KLHL14: variants seen among roughly 807,000 people sequenced by gnomAD.
KLHL14 encodes the protein kelch-like protein 14.
Under a neutral mutation model 64.3 loss-of-function variants are expected in KLHL14, and 22 were observed. That is an observed-to-expected ratio of 0.34 (90% CI 0.24 to 0.49). The LOEUF (loss-of-function observed/expected upper bound fraction) is 0.49, where lower values mean the gene tolerates loss of function less well. Ranked by LOEUF, KLHL14 falls within the 20% of genes least tolerant of loss-of-function variation. KLHL14 has a pLI of 0.99. For missense variants in KLHL14, 661 were observed against 789.0 expected (o/e 0.84, Z 1.94); for synonymous variants, 322 against 333.4 (o/e 0.97, Z 0.37).
At chr18:32,689,457 C>T (rs997214140) in intron 4 of KLHL14, among the ~76,000 whole-genome samples, 6 of 152,118 alleles carry the variant, frequency 3.9e-5, no homozygotes, top group African/African-American at 1.4e-4. Context: ...GATTTGGCAG[C>T]ATGAAGGTTG....
chr18:32,675,223 C>T (rs559437797), intron 8 of KLHL14, among the ~76,000 whole-genome samples: 2 of 152,046 alleles, frequency 1.3e-5, no homozygotes, highest in Non-Finnish European at 2.9e-5. Context: ...ACAAATTGGG[C>T]ATGATAGTGC....
At chr18:32,731,247 G>T (rs1420935576) in intron 3 of KLHL14, among the ~76,000 whole-genome samples, 1 of 152,166 alleles carries the variant, frequency 6.6e-6, no homozygotes, top group Middle Eastern at 3.2e-3. Flanking sequence ...TTTGTACTTT[G>T]CCTTCATTAC....
chr18:32,760,491 G>A (rs769154724), intron 2 of KLHL14, among the ~76,000 whole-genome samples: 1 of 151,942 alleles, frequency 6.6e-6, no homozygotes, highest in East Asian at 1.9e-4. Context: ...CACTGGCCTC[G>A]CCTGTCTTCA....
chr18:32,727,171 A>C (rs1484087999), intron 3 of KLHL14, among the ~76,000 whole-genome samples: 2 of 152,248 alleles, frequency 1.3e-5, no homozygotes, highest in East Asian at 3.8e-4. Context: ...GCTGCTTCTT[A>C]AAAAGGTATG....
intron 3 of KLHL14, among the ~76,000 whole-genome samples, chr18:32,724,460 A>G (rs1337111124): frequency 6.6e-6 from 1 of 152,198 alleles, no homozygotes; most frequent in Non-Finnish European, 1.5e-5. Context: ...TTAAAATCAT[A>G]GCAACCAGAT....
intron 3 of KLHL14, among the ~76,000 whole-genome samples, chr18:32,699,821 A>G (rs1473291694): frequency 6.6e-6 from 1 of 152,116 alleles, no homozygotes; most frequent in Non-Finnish European, 1.5e-5. Flanking sequence ...ATAAATCTGG[A>G]TATTTGAATA....
Position 32,772,979 on chromosome 18 carries a change from CATCATT to C in KLHL14, c.-362_-357del. 1 of 181,508 alleles carries C rather than the reference CATCATT, an allele frequency of 5.5e-6. No homozygotes were observed. The highest frequency in any genetic ancestry group is 1.1e-4 in the South Asian group (1 of 8,828). The allele number at this position is 181,508 out of a possible 1,614,324, so 11.2% of individuals were successfully genotyped here. A position where few individuals can be genotyped will look rare whatever the true frequency, so the allele number is the denominator to read the frequency against. On this transcript the variant is annotated 5_prime_UTR_variant, in exon 1 of 9. In the 5' UTR this introduces an upstream ATG that the reference lacks. Coordinates refer to ENST00000359358, the MANE Select transcript of KLHL14 (RefSeq NM_020805.3). The stretch of plus-strand genomic sequence containing the variant: ...CAAATTATGCTACCAAGAAACAACA[CATCATT>C]ATCCTTGGGCCTGGGGCTCAGTGAG...
intron 2 of KLHL14, among the ~76,000 whole-genome samples, chr18:32,756,315 A>G (rs2050281392): frequency 6.6e-6 from 1 of 152,178 alleles, no homozygotes; most frequent in Admixed American, 6.5e-5. Context: ...CCCTGCTGGC[A>G]CCTTGGTCTT....
At chr18:32,728,887 C>A (rs552816720) in intron 3 of KLHL14, among the ~76,000 whole-genome samples, 1 of 152,242 alleles carries the variant, frequency 6.6e-6, no homozygotes, top group East Asian at 1.9e-4. Context: ...GGGCTGGAAG[C>A]CACGAGAAGT....
chr18:32,768,390 GACACACACACAC>G (rs10567081), intron 2 of KLHL14, among the ~76,000 whole-genome samples: 31 of 141,676 alleles, frequency 2.2e-4, no homozygotes, highest in Admixed American at 4.2e-4. Flanking sequence ...GAAACATAAT[GACACACACACAC>G]ACACACACAC....
At chr18:32,728,492 C>T (rs1373509667) in intron 3 of KLHL14, among the ~76,000 whole-genome samples, 1 of 152,154 alleles carries the variant, frequency 6.6e-6, no homozygotes. Flanking sequence ...GTGTCATTCT[C>T]TAGGTGTAAT....
chr18:32,689,888 G>A (rs1211648374), intron 4 of KLHL14, among the ~76,000 whole-genome samples: 2 of 152,202 alleles, frequency 1.3e-5, no homozygotes, highest in East Asian at 3.9e-4. Context: ...TGAAGAAGGA[G>A]GCATTTGAAA....
chr18:32,714,566 G>A (rs11873557), intron 3 of KLHL14, among the ~76,000 whole-genome samples: 6,850 of 152,208 alleles, frequency 0.045, 527 homozygotes, highest in African/African-American at 0.16. Flanking sequence ...TTTGTGTACT[G>A]TGAGAGCTTC....
intron 2 of KLHL14, chr18:32,743,203 G>T (rs8095621): frequency 0.99 from 151,369 of 152,358 alleles, 75,204 homozygotes; most frequent in Middle Eastern, 1. Context: ...AATGATTGAA[G>T]GAAAAAAGTC....
intron 3 of KLHL14, among the ~76,000 whole-genome samples, chr18:32,714,192 C>A (rs2050033753): frequency 6.6e-6 from 1 of 151,938 alleles, no homozygotes; most frequent in African/African-American, 2.4e-5. Context: ...GTGGTGAACC[C>A]AGTGTATATA....
At chr18:32,687,063 A>C (rs1392516659) in intron 5 of KLHL14, 92 bp downstream of exon 5, 6 of 1,044,284 alleles carry the variant, frequency 5.7e-6, no homozygotes, top group Non-Finnish European at 9.0e-6. Flanking sequence ...CATTGACTCT[A>C]TTTAGCATTC....
In KLHL14 at chr18:32,682,592, T is replaced by C. The variant is rs181154585; in HGVS notation, c.1239-1993A>G. Among the ~76,000 whole-genome samples, 295 of 152,324 alleles carry C rather than the reference T, an allele frequency of 1.9e-3. 1 individual carries two copies. The highest frequency in any genetic ancestry group is 7.0e-3 in the African/African-American group (289 of 41,582). On this transcript the variant is annotated intron_variant, in intron 5 of 8. Transcript: ENST00000359358. The stretch of plus-strand genomic sequence containing the variant: ...GATCTTTAAAAAATTGAGATTTTTC[T>C]GGTATGAGGGACTAAAAACTCATCT...
intron 3 of KLHL14, among the ~76,000 whole-genome samples, chr18:32,697,064 G>A (rs772250428): frequency 3.9e-5 from 6 of 152,100 alleles, no homozygotes; most frequent in Non-Finnish European, 5.9e-5. Context: ...TGGTTTGCGC[G>A]GTCCATGAAT....
At chr18:32,718,890 C>T (rs556990227) in intron 3 of KLHL14, among the ~76,000 whole-genome samples, 74 of 152,140 alleles carry the variant, frequency 4.9e-4, no homozygotes, top group African/African-American at 1.6e-3. Flanking sequence ...AAAATGGTAC[C>T]GGCTATTTTC....
Sources: allele counts gnomAD v4.1 joint callset (sites outside exome capture counted in the v4.1 genomes callset), GRCh38; gene constraint gnomAD v4.1.1; transcripts MANE v1.5; gene names NCBI Gene and HGNC (gene_info 2026-07-23, HGNC 2026-07-21).